SENP7: variants seen among roughly 807,000 people sequenced by gnomAD.
SENP7 encodes the protein sentrin-specific protease 7.
A neutral mutation model predicts 141.2 loss-of-function variants in SENP7; 64 were observed. That is an observed-to-expected ratio of 0.45 (90% confidence interval 0.37 to 0.56). SENP7 has a LOEUF of 0.56. Among genes scored for constraint, SENP7 ranks in the 20% least tolerant of loss-of-function variants. The pLI is 0.00. For missense variants in SENP7, 1,025 were observed against 1,212.2 expected, an observed-to-expected ratio of 0.85 and a Z score of 2.29; for synonymous variants, 382 against 426.4, an observed-to-expected ratio of 0.90 and a Z score of 1.28.
chr3:101,365,751 T>C (rs2060022419), intron 9 of SENP7, among the ~76,000 whole-genome samples: 1 of 152,106 alleles, frequency 6.6e-6, no homozygotes, highest in Non-Finnish European at 1.5e-5. Flanking sequence ...TCAGTTGTTA[T>C]CTGATTTATA....
intron 3 of SENP7, among the ~76,000 whole-genome samples, chr3:101,477,677 G>A (rs918585628): frequency 1.2e-4 from 18 of 151,736 alleles, no homozygotes; most frequent in Admixed American, 3.9e-4. Flanking sequence ...ATGGTGACAC[G>A]CCCTCTCTAT....
chr3:101,332,699 A>G, intron 18 of SENP7, 71 bp downstream of exon 18: 1 of 999,276 alleles, frequency 1.0e-6, no homozygotes, highest in Non-Finnish European at 1.4e-6. Flanking sequence ...ACTGATTATG[A>G]ATCTAAAAAC....
rs572884792 is a variant in SENP7, at chr3:101,344,027, AT to A, written c.1838-74del. ...GGATTATAATACAAGTAATTTAATT[AT>A]TAATAATAGTAAGGTTGGAATATAA... On this transcript the variant is annotated intron_variant, in intron 13 of 23. Transcript: ENST00000394095. 7.4e-4 allele frequency: 753 copies of A among 1,015,642 alleles called. 1 individual carries two copies. Among genetic ancestry groups the A allele is most frequent in the Non-Finnish European group, 9.6e-4 (686 of 716,928 alleles). 62.9% of individuals were successfully genotyped at this position (1,015,642 alleles called of 1,614,324 possible). A position where few individuals can be genotyped will look rare whatever the true frequency, so the allele number is the denominator to read the frequency against.
chr3:101,378,322 A>G (rs1304466220), intron 6 of SENP7, among the ~76,000 whole-genome samples: 1 of 152,132 alleles, frequency 6.6e-6, no homozygotes, highest in Non-Finnish European at 1.5e-5. Context: ...TACAGCATAT[A>G]AGCACTTATG....
intron 17 of SENP7, among the ~76,000 whole-genome samples, chr3:101,336,637 A>G (rs898102282): frequency 6.6e-6 from 1 of 152,238 alleles, no homozygotes; most frequent in Non-Finnish European, 1.5e-5. Flanking sequence ...GCAGTAGAGA[A>G]ATGTTTACAC....
At chr3:101,466,868 A>G (rs1409137925) in intron 3 of SENP7, among the ~76,000 whole-genome samples, 1 of 152,212 alleles carries the variant, frequency 6.6e-6, no homozygotes, top group East Asian at 1.9e-4. Flanking sequence ...GGCAAGCTGA[A>G]GCAGGGCGGG....
intron 5 of SENP7, among the ~76,000 whole-genome samples, chr3:101,415,095 T>G (rs1281896): frequency 0.018 from 2,621 of 142,360 alleles, no homozygotes; most frequent in Admixed American, 0.026. Flanking sequence ...ATCCATGAGG[T>G]CACTAACTTA....
chr3:101,442,110 A>G (rs2062698284), intron 4 of SENP7, among the ~76,000 whole-genome samples: 4 of 152,262 alleles, frequency 2.6e-5, no homozygotes, highest in Admixed American at 2.6e-4. Flanking sequence ...GGATATCAAC[A>G]TAAGAACATA....
rs61761868 is a variant in SENP7 at position 101,330,374 on chromosome 3, C to T, written c.2711G>A (p.Arg904His). 174 of 1,605,450 alleles carry T rather than the reference C, an allele frequency of 1.1e-4. No individual in the cohort carries two copies. Among genetic ancestry groups the T allele is most frequent in the Non-Finnish European group, 1.4e-4 (167 of 1,173,028 alleles). Reference protein sequence around the residue: ...NDNKTIDNDLRTTSTLSLSAE... With the variant: ...NDNKTIDNDLHTTSTLSLSAE... Reference sequence around the variant, plus strand: ...ACTCAAAGACAGTGTCGAAGTAGTACGTAGATCATTATCTAGTTAGAAATA... The same window carrying T: ...ACTCAAAGACAGTGTCGAAGTAGTATGTAGATCATTATCTAGTTAGAAATA... Residue 904 changes from arginine to histidine, a missense_variant, in exon 20 of 24, where the codon CGT becomes CAT. By Grantham distance (29) the Arg-to-His change is conservative. Transcript: ENST00000394095.
intron 13 of SENP7, among the ~76,000 whole-genome samples, chr3:101,346,334 C>A (rs1220405293): frequency 6.6e-6 from 1 of 152,168 alleles, no homozygotes; most frequent in African/African-American, 2.4e-5. Flanking sequence ...AGTACACCCA[C>A]TATGGAAGAG....
chr3:101,420,810 C>T lies in SENP7; in HGVS notation c.285-3020G>A, dbSNP rs183119770. 9.7e-4 allele frequency among the ~76,000 whole-genome samples: 147 copies of T among 152,200 alleles called. 1 individual carries two copies. The highest frequency in any genetic ancestry group is 3.5e-3 in the African/African-American group (144 of 41,540). ...ATAAAAATATAGACTGTGAGGCATT[C>T]TACAGAACAACTGGTCTGGACTCCT... On this transcript the variant is annotated intron_variant, in intron 4 of 23. Transcript: ENST00000394095.
chr3:101,482,126 A>T (rs11926358), intron 3 of SENP7, among the ~76,000 whole-genome samples: 60,168 of 151,552 alleles, frequency 0.4, 12,441 homozygotes, highest in Admixed American at 0.54. Context: ...CTGGCTAACA[A>T]GGTGAAACCC....
At chr3:101,489,838 A>G (rs1344024829) in intron 3 of SENP7, among the ~76,000 whole-genome samples, 1 of 152,278 alleles carries the variant, frequency 6.6e-6, no homozygotes, top group Non-Finnish European at 1.5e-5. Context: ...ACTCCACCTA[A>G]CAGCCACAGA....
intron 14 of SENP7, 53 bp downstream of exon 14, chr3:101,343,633 A>T (rs1210790638): frequency 2.0e-6 from 3 of 1,529,550 alleles, no homozygotes; most frequent in Admixed American, 4.1e-5. Flanking sequence ...TCAATGAATA[A>T]ATGTTTTCTG....
chr3:101,347,064 A>G (rs1473735203), intron 13 of SENP7, among the ~76,000 whole-genome samples: 2 of 151,948 alleles, frequency 1.3e-5, no homozygotes, highest in African/African-American at 4.8e-5. Flanking sequence ...AGAAGAAAGA[A>G]GGATAGAAAT....
chr3:101,406,135 A>G (rs1044603989), intron 5 of SENP7, among the ~76,000 whole-genome samples: 22 of 152,310 alleles, frequency 1.4e-4, no homozygotes, highest in African/African-American at 5.1e-4. Context: ...ATATGCACAC[A>G]TATGTTTATT....
At chr3:101,497,530 TAGG>T (rs980580956) in intron 2 of SENP7, among the ~76,000 whole-genome samples, 1 of 150,134 alleles carries the variant, frequency 6.7e-6, no homozygotes, top group Non-Finnish European at 1.5e-5. Context: ...AAAAAAAAGA[TAGG>T]AGCACGTCAC....
chr3:101,449,975 G>A (rs940937608), intron 4 of SENP7, among the ~76,000 whole-genome samples: 13 of 152,094 alleles, frequency 8.5e-5, no homozygotes, highest in Admixed American at 5.9e-4. Flanking sequence ...CCCATTTCAC[G>A]TGCAGAGACA....
chr3:101,386,058 G>A (rs954994661), intron 6 of SENP7, among the ~76,000 whole-genome samples: 1 of 152,134 alleles, frequency 6.6e-6, no homozygotes, highest in South Asian at 2.1e-4. Flanking sequence ...AAAAATTAAT[G>A]AGGGGCTTCA....
Sources: gnomAD v4.1 joint callset for allele counts (sites outside exome capture counted in the v4.1 genomes callset) on GRCh38, gnomAD v4.1.1 for gene constraint, MANE v1.5 for transcripts, NCBI Gene and HGNC (gene_info 2026-07-23, HGNC 2026-07-21) for gene names.